Variants in KCNAB1 observed in about 807,000 individuals in gnomAD.
The protein encoded by KCNAB1 is potassium voltage-gated channel subfamily A regulatory beta subunit 1, also known as voltage-gated potassium channel subunit beta-1.
A neutral mutation model predicts 64.6 loss-of-function variants in KCNAB1; 35 were observed. The observed-to-expected ratio is 0.54, with a 90% confidence interval of 0.41 to 0.72. The LOEUF (loss-of-function observed/expected upper bound fraction) is 0.72. Among genes scored for constraint, KCNAB1 ranks in the 30% least tolerant of loss-of-function variants. The pLI, the probability that KCNAB1 is intolerant of heterozygous loss-of-function variation, is 0.00. For synonymous variants in KCNAB1, 177 were observed against 183.8 expected, an observed-to-expected ratio of 0.96 and a Z score of 0.30; for missense variants, 401 against 512.9, an observed-to-expected ratio of 0.78 and a Z score of 2.11.
At chr3:156,521,955 TA>T (rs1278238900) in intron 11 of KCNAB1, among the ~76,000 whole-genome samples, 1 of 106,976 alleles carries the variant, frequency 9.3e-6, no homozygotes, top group Admixed American at 1.2e-4. Flanking sequence ...TTTTTCTTTT[TA>T]ATTTTTTTTT....
chr3:156,146,295 C>T (rs1715035269), intron 1 of KCNAB1, among the ~76,000 whole-genome samples: 1 of 152,076 alleles, frequency 6.6e-6, no homozygotes, highest in Admixed American at 6.6e-5. Flanking sequence ...TTTTAAAATT[C>T]ATTTTATCAG....
At chr3:156,344,608 T>G (rs1724356197) in intron 1 of KCNAB1, among the ~76,000 whole-genome samples, 1 of 152,186 alleles carries the variant, frequency 6.6e-6, no homozygotes, top group African/African-American at 2.4e-5. Flanking sequence ...CGCTTTAATA[T>G]CAGATAATAA....
chr3:156,465,743 T>C, intron 7 of KCNAB1, 57 bp downstream of exon 7: 2 of 1,404,694 alleles, frequency 1.4e-6, no homozygotes, highest in Non-Finnish European at 1.0e-6. Context: ...TCAAGAAAGG[T>C]ATCAACCAAA....
At chr3:156,407,661 A>G (rs1459509058) in intron 1 of KCNAB1, among the ~76,000 whole-genome samples, 1 of 152,188 alleles carries the variant, frequency 6.6e-6, no homozygotes, top group African/African-American at 2.4e-5. Flanking sequence ...GCTGAAAGTC[A>G]CTATTGATTC....
intron 2 of KCNAB1, among the ~76,000 whole-genome samples, chr3:156,450,641 T>C (rs1379005131): frequency 6.6e-6 from 1 of 152,226 alleles, no homozygotes; most frequent in African/African-American, 2.4e-5. Flanking sequence ...AAGGTTTTGA[T>C]ACCCAGGCAA....
chr3:156,471,803 T>C (rs1216948610), intron 7 of KCNAB1, among the ~76,000 whole-genome samples: 2 of 152,240 alleles, frequency 1.3e-5, no homozygotes, highest in Non-Finnish European at 2.9e-5. Flanking sequence ...ATTTCATTTA[T>C]GTATTTCTAC....
chr3:156,325,319 G>A (rs6766215), intron 1 of KCNAB1, among the ~76,000 whole-genome samples: 19,389 of 151,986 alleles, frequency 0.13, 3,227 homozygotes, highest in African/African-American at 0.39. Context: ...GCAAGTTATG[G>A]GTCCCACTGT....
rs563788715 is a variant in KCNAB1 at position 156,256,615 on chromosome 3, C to A, written c.275+135729C>A. On this transcript the variant is annotated intron_variant, in intron 1 of 13. Coordinates refer to ENST00000490337, the MANE Select transcript of KCNAB1 (RefSeq NM_172160.3). ...AGCAGCGTTGAATCAGCCCATTCCACTGAAGACTTACCAGTGGGCCACTAG... is the reference window on the plus strand; with the variant it reads ...AGCAGCGTTGAATCAGCCCATTCCAATGAAGACTTACCAGTGGGCCACTAG... Among the ~76,000 whole-genome samples the A allele has an allele frequency of 1.2e-3, 184 of 152,382 alleles. 1 individual carries two copies. The highest frequency in any genetic ancestry group is 2.2e-3 in the Non-Finnish European group (153 of 68,042).
chr3:156,213,487 T>G (rs1484150227), intron 1 of KCNAB1, among the ~76,000 whole-genome samples: 1 of 152,220 alleles, frequency 6.6e-6, no homozygotes, highest in Non-Finnish European at 1.5e-5. Flanking sequence ...GTGCTCAGAT[T>G]ACAGGAATGA....
intron 1 of KCNAB1, among the ~76,000 whole-genome samples, chr3:156,372,990 A>G (rs563396760): frequency 2.0e-5 from 3 of 152,380 alleles, no homozygotes; most frequent in Admixed American, 2.0e-4. Context: ...GTGAACATTT[A>G]CTAAATGCTT....
Position 156,270,069 on chromosome 3 carries a change from C to T in KCNAB1, c.275+149183C>T, listed in dbSNP as rs1411535838. Among the ~76,000 whole-genome samples the T allele has an allele frequency of 1.9e-4, 29 of 152,066 alleles. 1 individual carries two copies. The highest frequency in any genetic ancestry group is 1.8e-3 in the Admixed American group (28 of 15,256). The stretch of plus-strand genomic sequence containing the variant: ...TAGCTGGGACTACAGGTGCCTGCCA[C>T]TACGCCCAGCTAATTTTTTGTATTT... On this transcript the variant is annotated intron_variant, in intron 1 of 13. Transcript: ENST00000490337.
At chr3:156,254,101 G>A (rs781042614) in intron 1 of KCNAB1, among the ~76,000 whole-genome samples, 8 of 152,192 alleles carry the variant, frequency 5.3e-5, no homozygotes, top group Non-Finnish European at 4.4e-5. Context: ...GAGAACTTAC[G>A]ATTTTTATGA....
At chr3:156,213,093 A>T (rs1266722729) in intron 1 of KCNAB1, among the ~76,000 whole-genome samples, 1 of 152,120 alleles carries the variant, frequency 6.6e-6, no homozygotes, top group Non-Finnish European at 1.5e-5. Context: ...CACCAGTAGG[A>T]TCTGGTGATG....
Position 156,120,743 on chromosome 3 carries a change from CAGCAGCCTT to C in KCNAB1, c.135_143del (p.Ser46_Ser48del). On this transcript the variant is annotated inframe_deletion, in exon 1 of 14. Coordinates refer to ENST00000490337, the MANE Select transcript of KCNAB1 (RefSeq NM_172160.3). ...AGAAAGCCTCAGAAAACGCTAAAGA[CAGCAGCCTT>C]AGTCCCTCAGGGGAAAGCCAGCTCA... 3 of 1,614,244 alleles carry C rather than the reference CAGCAGCCTT, an allele frequency of 1.9e-6. No individual in the cohort carries two copies. The highest frequency in any genetic ancestry group is 2.5e-6 in the Non-Finnish European group (3 of 1,180,046).
At chr3:156,198,565 T>C (rs902375475) in intron 1 of KCNAB1, among the ~76,000 whole-genome samples, 1 of 151,688 alleles carries the variant, frequency 6.6e-6, no homozygotes, top group Non-Finnish European at 1.5e-5. Flanking sequence ...TCTTTTTGGA[T>C]CTTTGCTGGT....
Position 156,514,463 on chromosome 3 carries a change from T to C in KCNAB1, c.744+14T>C. 1 of 1,578,582 alleles carries C rather than the reference T, an allele frequency of 6.3e-7. No individual in the cohort carries two copies. Among genetic ancestry groups the C allele is most frequent in the Non-Finnish European group, 8.7e-7 (1 of 1,147,714 alleles). On this transcript the variant is annotated intron_variant, in intron 9 of 13. Coordinates refer to ENST00000490337, the MANE Select transcript of KCNAB1 (RefSeq NM_172160.3). The stretch of plus-strand genomic sequence containing the variant: ...ATGGAGATCATGGTAATTTAACTTC[T>C]ATTTTTAAATGGCTATTGAGTACCT...
At chr3:156,285,521 T>TG (rs10714190) in intron 1 of KCNAB1, among the ~76,000 whole-genome samples, 5 of 147,012 alleles carry the variant, frequency 3.4e-5, no homozygotes, top group South Asian at 2.1e-4. Flanking sequence ...GTGGGGGGGA[T>TG]GGGGGGGTCT....
chr3:156,121,938 C>T (rs575705678), intron 1 of KCNAB1, among the ~76,000 whole-genome samples: 33 of 152,220 alleles, frequency 2.2e-4, no homozygotes, highest in Non-Finnish European at 4.0e-4. Context: ...AGACTAAAAA[C>T]TTGTACCGTA....
At chr3:156,170,225 T>G (rs1330509878) in intron 1 of KCNAB1, among the ~76,000 whole-genome samples, 3 of 151,936 alleles carry the variant, frequency 2.0e-5, no homozygotes, top group Non-Finnish European at 4.4e-5. Flanking sequence ...GGAATCGTTT[T>G]TTTTTTTTTT....
Sources: gnomAD v4.1 joint callset for allele counts (sites outside exome capture counted in the v4.1 genomes callset) on GRCh38, gnomAD v4.1.1 for gene constraint, MANE v1.5 for transcripts, NCBI Gene and HGNC (gene_info 2026-07-23, HGNC 2026-07-21) for gene names.